Variants in EIF2AK1 observed in about 807,000 individuals in gnomAD.
The protein encoded by EIF2AK1 is eukaryotic translation initiation factor 2 alpha kinase 1, also known as eukaryotic translation initiation factor 2-alpha kinase 1.
EIF2AK1 carries 54 observed loss-of-function variants against 77.9 expected under a neutral mutation model. The ratio of observed to expected loss-of-function variants is 0.69; its 90% CI spans 0.56 to 0.87. The LOEUF is 0.87. Among genes scored for constraint, EIF2AK1 ranks in the 40% least tolerant of loss-of-function variants. EIF2AK1 has a pLI of 0.00. For missense variants in EIF2AK1, 810 were observed against 768.6 expected, an observed-to-expected ratio of 1.05 and a Z score of -0.64; for synonymous variants, 314 against 290.5, an observed-to-expected ratio of 1.08 and a Z score of -0.82.
intron 4 of EIF2AK1, 150 bp from the exon 5 acceptor site, chr7:6,047,241 T>G (rs765745109): frequency 2.6e-5 from 22 of 841,756 alleles, no homozygotes; most frequent in African/African-American, 1.0e-4. Context: ...ATGAAATTTT[T>G]CATCCCTATG....
chr7:6,046,767 T>C, intron 5 of EIF2AK1: 1 of 401,694 alleles, frequency 2.5e-6, no homozygotes, highest in Non-Finnish European at 4.5e-6. Flanking sequence ...CTGGGTGTAG[T>C]AGCACATGCC....
chr7:6,024,438 T>G lies in EIF2AK1; in HGVS notation c.*235A>C. On this transcript the variant is annotated 3_prime_UTR_variant, in exon 15 of 15. Transcript: ENST00000199389. ...GTTGAAAGGAGAAAATAATTGAGGATGAGGTCCAAGTTTTTAGTTTCAGAG... is the reference window on the plus strand; with the variant it reads ...GTTGAAAGGAGAAAATAATTGAGGAGGAGGTCCAAGTTTTTAGTTTCAGAG... 7.3e-7 allele frequency: 1 copy of G among 1,378,472 alleles called. No individual in the cohort carries two copies. The highest frequency in any genetic ancestry group is 9.4e-7 in the Non-Finnish European group (1 of 1,068,712). 85.4% of individuals were successfully genotyped at this position (1,378,472 alleles called of 1,614,324 possible). A position where few individuals can be genotyped will look rare whatever the true frequency, so the allele number is the denominator to read the frequency against.
In EIF2AK1 at chr7:6,054,652, T is replaced by G. The variant is rs201246015; in HGVS notation, c.171A>C (p.Pro57=). Residue 57 remains proline, a synonymous_variant, in exon 2 of 15, where the codon CCA becomes CCC. Coordinates refer to ENST00000199389, the MANE Select transcript of EIF2AK1 (RefSeq NM_014413.4). ...IQVLKEPLQQ[P]TFPFAVANQL... is the part of the protein sequence containing the mutation. ...GGTTTGCAACTGCAAAAGGGAAGGT[T>G]GGCTGTTGTAGGGGTTCTTTTAACA... 1.2e-6 allele frequency: 2 copies of G among 1,614,202 alleles called. No homozygotes were observed. Among genetic ancestry groups the G allele is most frequent in the Non-Finnish European group, 8.5e-7 (1 of 1,180,030 alleles).
intron 1 of EIF2AK1, among the ~76,000 whole-genome samples, chr7:6,055,653 T>G (rs932702483): frequency 1.3e-5 from 2 of 148,920 alleles, no homozygotes; most frequent in Non-Finnish European, 3.0e-5. Flanking sequence ...ACTTACTGTT[T>G]ATTTAAGACA....
rs1787963924 is a variant in EIF2AK1, at chr7:6,033,072, G to A, written c.1333-4040C>T. ...CAACCTCTACTTCCTGGGTTCAAGAGCTTCTCCCACCTCAGCCTCCCGAGT... is the reference window on the plus strand; with the variant it reads ...CAACCTCTACTTCCTGGGTTCAAGAACTTCTCCCACCTCAGCCTCCCGAGT... On this transcript the variant is annotated intron_variant, in intron 11 of 14. Coordinates refer to ENST00000199389, the MANE Select transcript of EIF2AK1 (RefSeq NM_014413.4). The surrounding 1 kb of genome is among the most constrained non-coding windows in gnomAD (Gnocchi z 4.4). The A allele has an allele frequency of 1.5e-6, 1 of 662,320 alleles. No individual in the cohort carries two copies. The highest frequency in any genetic ancestry group is 2.5e-6 in the Non-Finnish European group (1 of 406,794). The allele number at this position is 662,320 out of a possible 1,614,324, so 41.0% of individuals were successfully genotyped here.
chr7:6,047,530 G>A (rs1211672393), intron 4 of EIF2AK1, among the ~76,000 whole-genome samples: 10 of 151,932 alleles, frequency 6.6e-5, no homozygotes, highest in Admixed American at 2.0e-4. Flanking sequence ...AAAATTAGCC[G>A]GGTGTGGTGG....
At chr7:6,055,283 C>T (rs956836689) in intron 1 of EIF2AK1, among the ~76,000 whole-genome samples, 1 of 128,374 alleles carries the variant, frequency 7.8e-6, no homozygotes, top group Admixed American at 9.9e-5. Flanking sequence ...GCAGAAGTTG[C>T]GGTGAGCCGA....
At position 6,026,384 on chromosome 7, in the gene EIF2AK1, C is replaced by T. The variant is rs192924720; in HGVS notation, c.1764+344G>A. 31 of 502,054 alleles carry T rather than the reference C, an allele frequency of 6.2e-5. No individual in the cohort carries two copies. In the East Asian group the frequency reaches 1.6e-3, roughly 26 times the overall value. The allele number at this position is 502,054 out of a possible 1,614,324, so 31.1% of individuals were successfully genotyped here. On this transcript the variant is annotated intron_variant, in intron 14 of 14. Transcript: ENST00000199389. ...AAGGTGCAAACCCTGCGGGCCCCTC[C>T]GGCCTTTCCGGGAAGGAGTCTCACC...
At chr7:6,051,273 C>CT (rs34563208) in intron 2 of EIF2AK1, among the ~76,000 whole-genome samples, 18,513 of 137,396 alleles carry the variant, frequency 0.13, 1,589 homozygotes, top group East Asian at 0.32. Flanking sequence ...TTTTTTCTTT[C>CT]TTTTTTTTTT....
chr7:6,029,943 G>A (rs1016659032), intron 11 of EIF2AK1, among the ~76,000 whole-genome samples: 1 of 151,470 alleles, frequency 6.6e-6, no homozygotes, highest in Non-Finnish European at 1.5e-5. Flanking sequence ...TCGCATCACT[G>A]CACTCCAGCC....
chr7:6,035,739 C>A lies in EIF2AK1; in HGVS notation c.1332+1685G>T, dbSNP rs979273480. 1.3e-6 allele frequency: 2 copies of A among 1,551,088 alleles called. No homozygotes were observed. Among genetic ancestry groups the A allele is most frequent in the Admixed American group, 2.0e-5 (1 of 50,998 alleles). ...TGCTATTAATGAAGCCAGCATGACA[C>A]CCCTTCACATGGCCGCAAACATGCT... is the stretch of plus-strand genomic sequence containing the variant. On this transcript the variant is annotated intron_variant, in intron 11 of 14. Coordinates refer to ENST00000199389, the MANE Select transcript of EIF2AK1 (RefSeq NM_014413.4). This position sits in a 1 kb window ranked among gnomAD's most constrained non-coding sequence, Gnocchi z 5.5.
chr7:6,030,119 C>T (rs990538909), intron 11 of EIF2AK1, among the ~76,000 whole-genome samples: 2 of 152,152 alleles, frequency 1.3e-5, no homozygotes, highest in Non-Finnish European at 2.9e-5. Context: ...TGTAACAAAC[C>T]ACATGGCTCA....
At position 6,024,694 on chromosome 7, in the gene EIF2AK1, T is replaced by TC. The variant is rs778465674; in HGVS notation, c.1871dup (p.Asp626GlyfsTer22). ...ACTTTCATCCCACGCCCCCATCCTT[T>TC]CCGTCATCCCTCACCCCTTTGTCTT... On this transcript the variant is annotated frameshift_variant, in exon 15 of 15. Coordinates refer to ENST00000199389, the MANE Select transcript of EIF2AK1 (RefSeq NM_014413.4). LOFTEE classifies it low-confidence loss of function (END_TRUNC). 1.2e-5 allele frequency: 20 copies of TC among 1,613,162 alleles called. No homozygotes were observed. The highest frequency in any genetic ancestry group is 1.6e-5 in the Non-Finnish European group (19 of 1,179,772).
In EIF2AK1 at chr7:6,023,497, C is replaced by T. The variant is rs760946189; in HGVS notation, c.*1176G>A. ...CAGTAAAGAAAAAGCCGCTGTTTTC[C>T]GCTCCATGAACTCTGCTCTTGGGAA... is the stretch of plus-strand genomic sequence containing the variant. On this transcript the variant is annotated 3_prime_UTR_variant, in exon 15 of 15. Coordinates refer to ENST00000199389, the MANE Select transcript of EIF2AK1 (RefSeq NM_014413.4). 6.8e-6 allele frequency: 11 copies of T among 1,614,042 alleles called. No individual in the cohort carries two copies. Among genetic ancestry groups the T allele is most frequent in the South Asian group, 4.4e-5 (4 of 91,088 alleles).
intron 11 of EIF2AK1, among the ~76,000 whole-genome samples, chr7:6,030,481 T>A (rs1787876648): frequency 6.6e-6 from 1 of 152,180 alleles, no homozygotes; most frequent in South Asian, 2.1e-4. Context: ...CGGGTGAGCA[T>A]GTTTCTCGCA....
At position 6,044,676 on chromosome 7, in the gene EIF2AK1, G is replaced by C; in HGVS notation, c.631-15C>G. Reference sequence around the variant, plus strand: ...TCCCGTAGGACCTAGAAAAGAAATGGAAGTAGATCTGCCTTTTGCTGATAA... The same window carrying C: ...TCCCGTAGGACCTAGAAAAGAAATGCAAGTAGATCTGCCTTTTGCTGATAA... On this transcript the variant is annotated splice_polypyrimidine_tract_variant and intron_variant, in intron 6 of 14. Transcript: ENST00000199389. The C allele has an allele frequency of 6.2e-7, 1 of 1,609,296 alleles. No individual in the cohort carries two copies. Among genetic ancestry groups the C allele is most frequent in the African/African-American group, 1.3e-5 (1 of 74,894 alleles).
At position 6,035,681 on chromosome 7, in the gene EIF2AK1, C is replaced by G. The variant is rs1249755712; in HGVS notation, c.1332+1743G>C. The G allele has an allele frequency of 3.2e-6, 5 of 1,550,680 alleles. No homozygotes were observed. In the Admixed American group the frequency reaches 9.8e-5, roughly 30 times the overall value. On this transcript the variant is annotated intron_variant, in intron 11 of 14. Transcript: ENST00000199389. The surrounding 1 kb of genome is among the most constrained non-coding windows in gnomAD (Gnocchi z 5.5). ...TAGCATATGGTTGCTATCCAGTTCT[C>G]TCCATTTTGACCCAAAATGGTGCCG...
intron 7 of EIF2AK1, 114 bp downstream of exon 7, chr7:6,044,448 A>G (rs1788390195): frequency 1.2e-6 from 1 of 821,018 alleles, no homozygotes; most frequent in Non-Finnish European, 1.9e-6. Context: ...AAAAAAAAAT[A>G]TGTAAAAACC....
chr7:6,056,613 A>AAAATATATATATAT, intron 1 of EIF2AK1, among the ~76,000 whole-genome samples: 42 of 43,720 alleles, frequency 9.6e-4, no homozygotes, highest in Non-Finnish European at 1.8e-3. Flanking sequence ...AAAAAAAAAA[A>AAAATATATATATAT]ATATATATAT....
Sources: gnomAD v4.1 joint callset for allele counts (sites outside exome capture counted in the v4.1 genomes callset) on GRCh38, gnomAD v4.1.1 for gene constraint, Gnocchi (gnomAD v3.1) non-coding constraint, MANE v1.5 for transcripts, NCBI Gene and HGNC (gene_info 2026-07-23, HGNC 2026-07-21) for gene names.